Variants in FHIP1B observed in about 807,000 individuals in gnomAD.
The protein encoded by FHIP1B is FHF complex subunit HOOK interacting protein 1B, also known as FHF complex subunit HOOK-interacting protein 1B.
A neutral mutation model predicts 82.2 loss-of-function variants in FHIP1B; 28 were observed. The observed-to-expected ratio is 0.34, with a 90% CI of 0.25 to 0.47. FHIP1B has a LOEUF of 0.47. FHIP1B is among the 20% of genes least tolerant of loss of function. FHIP1B has a pLI of 1.00. For synonymous variants in FHIP1B, 585 were observed against 516.1 expected (o/e 1.13, Z -1.81); for missense variants, 1,110 against 1,262.6 (o/e 0.88, Z 1.83).
rs1297454221 is a variant in FHIP1B at position 6,214,448 on chromosome 11, A to C, written c.2520T>G (p.Pro840=). 1 of 1,613,504 alleles carries C rather than the reference A, an allele frequency of 6.2e-7. No individual in the cohort carries two copies. Among genetic ancestry groups the C allele is most frequent in the Non-Finnish European group, 8.5e-7 (1 of 1,179,850 alleles). The change falls in exon 11 of 12, where the codon CCT becomes CCG. Residue 840 remains proline (P), a synonymous_variant. Transcript: ENST00000449352. ...AACGGCGTGGGGCAGGTCCTGCTGC[A>C]GGGCCCTCAGCCCAGTCCAACTTGC... ...ARGKLDWAEG[P]AAGPAPRRSD...
chr11:6,226,946 A>G (rs1405045281), intron 1 of FHIP1B, among the ~76,000 whole-genome samples: 7 of 152,346 alleles, frequency 4.6e-5, no homozygotes, highest in African/African-American at 1.7e-4. Flanking sequence ...ATAAGAAAGT[A>G]ATGTCATGAA....
intron 8 of FHIP1B, 78 bp downstream of exon 8, chr11:6,218,522 C>G: frequency 6.3e-7 from 1 of 1,595,322 alleles, no homozygotes; most frequent in Non-Finnish European, 8.6e-7. Context: ...CACCCCAGCC[C>G]CTCCTTGCTA....
intron 1 of FHIP1B, among the ~76,000 whole-genome samples, chr11:6,233,587 T>C (rs912521022): frequency 3.3e-5 from 5 of 152,172 alleles, no homozygotes; most frequent in Non-Finnish European, 7.3e-5. Flanking sequence ...TTAAATATAA[T>C]ATAAACTAGC....
chr11:6,218,050 A>T lies in FHIP1B; in HGVS notation c.1536T>A (p.Gly512=). The T allele has an allele frequency of 6.2e-7, 1 of 1,613,324 alleles. No homozygotes were observed. Among genetic ancestry groups the T allele is most frequent in the Non-Finnish European group, 8.5e-7 (1 of 1,179,692 alleles). Residue 512 remains glycine, a synonymous_variant, in exon 9 of 12, where the codon GGT becomes GGA. Coordinates refer to ENST00000449352, the MANE Select transcript of FHIP1B (RefSeq NM_001098794.2). ...LALFLRQQSL[G]GSESPGPAPC... The stretch of plus-strand genomic sequence containing the variant: ...GGGCTGGGCCTGGAGACTCAGAGCC[A>T]CCCAGGCTCTGCTGCCGCAGGAAGA...
In FHIP1B at chr11:6,224,662, T is replaced by A. The variant is rs886908232; in HGVS notation, c.-146A>T. On this transcript the variant is annotated 5_prime_UTR_variant, in exon 2 of 12. Coordinates refer to ENST00000449352, the MANE Select transcript of FHIP1B (RefSeq NM_001098794.2). ...CATGGAGCCAGAGGTTATACCAGGC[T>A]GGAATGGCAAGCCCAGAGGTCACTG... 7 of 799,326 alleles carry A rather than the reference T, an allele frequency of 8.8e-6. No homozygotes were observed. The Admixed American group carries it at 1.5e-4, about 17-fold the overall frequency. 49.5% of individuals were successfully genotyped at this position (799,326 alleles called of 1,614,324 possible).
Position 6,222,871 on chromosome 11 carries a change from C to G in FHIP1B, c.963G>C (p.Gln321His), listed in dbSNP as rs745755393. Residue 321 changes from glutamine to histidine, a missense_variant, in exon 5 of 12, where the codon CAG becomes CAC. Transcript: ENST00000449352. Reference sequence around the variant, plus strand: ...ACCCATTATGGATATAATCAACCAACTGCTTCTGCACCAGGGGGTGAGCCA... The same window carrying G: ...ACCCATTATGGATATAATCAACCAAGTGCTTCTGCACCAGGGGGTGAGCCA... ...IQVAHPLVQK[Q>H]LVDYIHNGFL... 6.2e-7 allele frequency: 1 copy of G among 1,614,160 alleles called. No individual in the cohort carries two copies. The highest frequency in any genetic ancestry group is 2.2e-5 in the East Asian group (1 of 44,886).
chr11:6,212,994 C>A (rs1847114931), intron 11 of FHIP1B, among the ~76,000 whole-genome samples: 2 of 152,192 alleles, frequency 1.3e-5, no homozygotes, highest in African/African-American at 4.8e-5. Flanking sequence ...AATTTTACTT[C>A]CCTTAACTCA....
At chr11:6,230,068 G>A (rs1325207077) in intron 1 of FHIP1B, among the ~76,000 whole-genome samples, 3 of 151,348 alleles carry the variant, frequency 2.0e-5, no homozygotes, top group South Asian at 4.2e-4. Context: ...TGATCTCTCA[G>A]ACCCAAAATG....
chr11:6,214,952 A>T, intron 9 of FHIP1B, 41 bp from the exon 10 acceptor site: 1 of 1,498,490 alleles, frequency 6.7e-7, no homozygotes, highest in Non-Finnish European at 8.9e-7. Context: ...ACAAAGCCTG[A>T]ACACAATGCA....
At position 6,217,446 on chromosome 11, in the gene FHIP1B, G is replaced by C; in HGVS notation, c.2140C>G (p.Pro714Ala). The C allele has an allele frequency of 1.2e-6, 2 of 1,614,012 alleles. No homozygotes were observed. The highest frequency in any genetic ancestry group is 8.5e-7 in the Non-Finnish European group (1 of 1,179,922). Reference sequence around the variant, plus strand: ...AGGAAGGGGCCAGGGGGCTCAGGGGGACAGGTGAAGCTCTCGTAGGCCTCC... The same window carrying C: ...AGGAAGGGGCCAGGGGGCTCAGGGGCACAGGTGAAGCTCTCGTAGGCCTCC... ...EEEAYESFTC[P>A]PEPPGPFLSS... is the part of the protein sequence containing the mutation. The change falls in exon 9 of 12, where the codon CCC (proline) becomes GCC (alanine). Residue 714 changes from proline (P) to alanine (A), a missense_variant. Coordinates refer to ENST00000449352, the MANE Select transcript of FHIP1B (RefSeq NM_001098794.2).
At chr11:6,215,105 T>C (rs1344502649) in intron 9 of FHIP1B, 194 bp from the exon 10 acceptor site, 2 of 468,144 alleles carry the variant, frequency 4.3e-6, no homozygotes, top group Non-Finnish European at 7.4e-6. Flanking sequence ...ACCCACAAGA[T>C]TCCAGATGCC....
chr11:6,213,419 C>G (rs145654136), intron 11 of FHIP1B, among the ~76,000 whole-genome samples: 8 of 152,196 alleles, frequency 5.3e-5, no homozygotes, highest in Non-Finnish European at 1.2e-4. Flanking sequence ...AAACAAAAAG[C>G]CTTTTCCTGT....
At chr11:6,228,363 A>T (rs1375418952) in intron 1 of FHIP1B, among the ~76,000 whole-genome samples, 3 of 151,838 alleles carry the variant, frequency 2.0e-5, no homozygotes, top group Admixed American at 1.3e-4. Flanking sequence ...AAAAAAAAAT[A>T]GGGCAATAGC....
chr11:6,222,045 G>A (rs1181680304), intron 6 of FHIP1B, among the ~76,000 whole-genome samples: 1 of 152,202 alleles, frequency 6.6e-6, no homozygotes, highest in Non-Finnish European at 1.5e-5. Context: ...AAGCATATCA[G>A]TAGCACCTGG....
intron 11 of FHIP1B, 200 bp from the exon 12 acceptor site, chr11:6,212,067 G>A (rs1008133506): frequency 1.6e-6 from 1 of 632,794 alleles, no homozygotes; most frequent in Non-Finnish European, 2.0e-6. Context: ...CTGAGGAGTA[G>A]AGTGAGGAGT....
rs149101080 is a variant in FHIP1B, at chr11:6,217,964, G to A, written c.1622C>T (p.Ala541Val). The change falls in exon 9 of 12, where the codon GCA (alanine) becomes GTA (valine). Residue 541 changes from alanine (A) to valine (V), a missense_variant. This residue lies in a region of FHIP1B where 418 missense variants were observed against 371.4 expected (regional missense o/e 1.13). Coordinates refer to ENST00000449352, the MANE Select transcript of FHIP1B (RefSeq NM_001098794.2). The stretch of plus-strand genomic sequence containing the variant: ...GTCTTCCAGCTCTCCAGGCTCCTCT[G>A]CAGGGGTAGGCCGTCGGCCAGGGCT... The part of the protein sequence containing the change: ...ASSPGRRPTP[A>V]EEPGELEDNY... The A allele has an allele frequency of 8.6e-4, 1,384 of 1,613,204 alleles. 2 individuals are homozygous for A. The highest frequency in any genetic ancestry group is 8.1e-4 in the Non-Finnish European group (959 of 1,180,032).
At chr11:6,213,036 T>A (rs2133777425) in intron 11 of FHIP1B, among the ~76,000 whole-genome samples, 1 of 152,328 alleles carries the variant, frequency 6.6e-6, no homozygotes, top group Admixed American at 6.5e-5. Context: ...GTCTTCTACC[T>A]CATACACTAA....
In FHIP1B at chr11:6,218,714, G is replaced by C. The variant is rs529633386; in HGVS notation, c.1321C>G (p.Arg441Gly). Residue 441 changes from arginine to glycine, a missense_variant, in exon 8 of 12, where the codon CGT becomes GGT. This residue lies in a region of FHIP1B where 467 missense variants were observed against 602.9 expected (regional missense o/e 0.77). Coordinates refer to ENST00000449352, the MANE Select transcript of FHIP1B (RefSeq NM_001098794.2). ...GCTCGTCCATATAGGTCCACATCAC[G>C]AACAGCCGGCTTCTGGCTCAGCATA... ...HVMLSQKPAV[R>G]DVDLYGRAAD... The C allele has an allele frequency of 6.2e-7, 1 of 1,614,004 alleles. No individual in the cohort carries two copies. The highest frequency in any genetic ancestry group is 8.5e-7 in the Non-Finnish European group (1 of 1,180,032).
intron 9 of FHIP1B, 27 bp downstream of exon 9, chr11:6,217,344 A>T (rs745497207): frequency 1.3e-6 from 2 of 1,595,024 alleles, no homozygotes; most frequent in Non-Finnish European, 1.7e-6. Context: ...AGTACACAGA[A>T]GGGAAGGCCT....
Sources: gnomAD v4.1 joint callset for allele counts (sites outside exome capture counted in the v4.1 genomes callset) on GRCh38, gnomAD v4.1.1 for gene constraint, gnomAD v4.1.1 regional missense constraint, MANE v1.5 for transcripts, NCBI Gene and HGNC (gene_info 2026-07-23, HGNC 2026-07-21) for gene names.